ZNF574: variants seen among roughly 807,000 people sequenced by gnomAD.
ZNF574 encodes zinc finger protein 574.
A neutral mutation model predicts 56.6 loss-of-function variants in ZNF574; 25 were observed. That is an observed-to-expected ratio of 0.44 (90% confidence interval 0.32 to 0.62). The LOEUF (loss-of-function observed/expected upper bound fraction) is 0.62, where lower values mean the gene tolerates loss of function less well. Ranked by LOEUF, ZNF574 falls within the 20% of genes least tolerant of loss-of-function variation. The pLI is 0.04. For missense variants in ZNF574, 1,065 were observed against 1,218.9 expected (o/e 0.87, Z 1.88); for synonymous variants, 543 against 492.1 (o/e 1.10, Z -1.37).
In ZNF574 at chr19:42,080,580, C is replaced by G. The variant is rs144331239; in HGVS notation, c.1974C>G (p.Ala658=). Residue 658 remains alanine (A), a synonymous_variant, in exon 2 of 2, where the codon GCC becomes GCG. Coordinates refer to ENST00000359044, the MANE Select transcript of ZNF574 (RefSeq NM_022752.6). This position sits in a 1 kb window ranked among gnomAD's most constrained non-coding sequence, Gnocchi z 8.5. ...SLRLREHRCA[A]AAAQAPRRFE... ...GGCTCCGGGAGCACCGCTGTGCAGC[C>G]GCTGCTGCCCAGGCCCCACGGCGCT... is the stretch of plus-strand genomic sequence containing the variant. 9 of 1,612,840 alleles carry G rather than the reference C, an allele frequency of 5.6e-6. No homozygotes were observed. Among genetic ancestry groups the G allele is most frequent in the Non-Finnish European group, 7.6e-6 (9 of 1,179,792 alleles).
intron 1 of ZNF574, among the ~76,000 whole-genome samples, chr19:42,069,679 G>C (rs1198091620): frequency 6.6e-6 from 1 of 151,188 alleles, no homozygotes; most frequent in East Asian, 2.0e-4. Context: ...GCGAGGACTG[G>C]GTGGAGAAAA....
Position 42,080,255 on chromosome 19 carries a change from C to G in ZNF574, c.1649C>G (p.Pro550Arg). ...RHRLTHTGERPYRCGDCGKAF... is the reference protein window; with the variant it reads ...RHRLTHTGERRYRCGDCGKAF... ...CGGCTCACACACACAGGAGAGCGGCCCTACCGGTGTGGGGACTGTGGCAAG... is the reference window on the plus strand; with the variant it reads ...CGGCTCACACACACAGGAGAGCGGCGCTACCGGTGTGGGGACTGTGGCAAG... Residue 550 changes from proline (P) to arginine (R), a missense_variant, in exon 2 of 2, where the codon CCC becomes CGC. Physicochemically the swap from Pro to Arg is moderately radical, Grantham distance 103 (BLOSUM62 -2). Transcript: ENST00000359044. This position sits in a 1 kb window ranked among gnomAD's most constrained non-coding sequence, Gnocchi z 8.5. 1 of 1,614,184 alleles carries G rather than the reference C, an allele frequency of 6.2e-7. No individual in the cohort carries two copies. The highest frequency in any genetic ancestry group is 2.2e-5 in the East Asian group (1 of 44,884).
upstream of ZNF574, among the ~76,000 whole-genome samples, chr19:42,072,570 T>C (rs532909858): frequency 6.7e-6 from 1 of 148,848 alleles, no homozygotes; most frequent in South Asian, 2.1e-4. Flanking sequence ...CTTTCTTTCT[T>C]TTTTTTTTTT....
At chr19:42,071,767 G>T (rs568024949), upstream of ZNF574, among the ~76,000 whole-genome samples, 1 of 152,258 alleles carries the variant, frequency 6.6e-6, no homozygotes, top group African/African-American at 2.4e-5. Context: ...ACTTTGGAAG[G>T]CCGGGGCAGG....
chr19:42,069,021 C>T (rs1347761101), intron 1 of ZNF574: 5 of 510,190 alleles, frequency 9.8e-6, no homozygotes, highest in Non-Finnish European at 1.8e-5. Flanking sequence ...GCTAGAGGGC[C>T]AGGGGCGGCA....
At position 42,079,396 on chromosome 19, in the gene ZNF574, T is replaced by C. The variant is rs2076479181; in HGVS notation, c.790T>C (p.Ser264Pro). The change falls in exon 2 of 2, where the codon TCT becomes CCT. Residue 264 changes from serine to proline, a missense_variant. Ser to Pro is a moderately conservative substitution (Grantham distance 74). Coordinates refer to ENST00000359044, the MANE Select transcript of ZNF574 (RefSeq NM_022752.6). This position sits in a 1 kb window ranked among gnomAD's most constrained non-coding sequence, Gnocchi z 4.3. ...CTCGTCACCTGCAGAGGTGCCTGTG[T>C]CTCAGCCTGACCCCTTGCCAGCTTC... Reference protein sequence around the residue: ...QASSPAEVPVSQPDPLPASDH... With the variant: ...QASSPAEVPVPQPDPLPASDH... The C allele has an allele frequency of 6.2e-7, 1 of 1,613,574 alleles. No individual in the cohort carries two copies. Among genetic ancestry groups the C allele is most frequent in the Non-Finnish European group, 8.5e-7 (1 of 1,180,020 alleles).
intron 1 of ZNF574, among the ~76,000 whole-genome samples, chr19:42,076,705 A>T (rs1384199873): frequency 6.6e-6 from 1 of 152,204 alleles, no homozygotes; most frequent in East Asian, 1.9e-4. Flanking sequence ...GGCGTGAGAA[A>T]GATAATTAAG....
At chr19:42,075,632 C>G (rs752640989), upstream of ZNF574, among the ~76,000 whole-genome samples, 1 of 152,124 alleles carries the variant, frequency 6.6e-6, no homozygotes, top group Non-Finnish European at 1.5e-5. Flanking sequence ...TGCAGTTTGC[C>G]CTCTCCCCAT....
At chr19:42,073,814 CAAAAAAAAAAAAAA>C (rs577928373), upstream of ZNF574, among the ~76,000 whole-genome samples, 2 of 32,064 alleles carry the variant, frequency 6.2e-5, no homozygotes, top group African/African-American at 2.6e-4. Context: ...TAGACTGTCT[CAAAAAAAAAAAAAA>C]AAAAAAAAAA....
chr19:42,075,906 A>G (rs1208960268), upstream of ZNF574, among the ~76,000 whole-genome samples: 1 of 152,126 alleles, frequency 6.6e-6, no homozygotes, highest in Non-Finnish European at 1.5e-5. Flanking sequence ...GTCGAGGAGG[A>G]GGAGGAGCAT....
rs1469033119 is a variant in ZNF574, at chr19:42,080,815, G to C, written c.2209G>C (p.Gly737Arg). ...ASPAAPARRRGLECSECKKLF... is the reference protein window; with the variant it reads ...ASPAAPARRRRLECSECKKLF... Reference sequence around the variant, plus strand: ...CCCTGCGGCCCCTGCCCGCCGCCGGGGTCTAGAGTGCAGCGAGTGCAAGAA... The same window carrying C: ...CCCTGCGGCCCCTGCCCGCCGCCGGCGTCTAGAGTGCAGCGAGTGCAAGAA... The change falls in exon 2 of 2, where the codon GGT becomes CGT. Residue 737 changes from glycine to arginine, a missense_variant. Transcript: ENST00000359044. This position sits in a 1 kb window ranked among gnomAD's most constrained non-coding sequence, Gnocchi z 8.5. The C allele has an allele frequency of 2.5e-6, 4 of 1,613,882 alleles. No individual in the cohort carries two copies. The highest frequency in any genetic ancestry group is 3.3e-5 in the Admixed American group (2 of 60,016).
Position 42,079,370 on chromosome 19 carries a change from C to T in ZNF574, c.764C>T (p.Ala255Val), listed in dbSNP as rs767549710. The T allele has an allele frequency of 1.2e-6, 2 of 1,613,648 alleles. No individual in the cohort carries two copies. Among genetic ancestry groups the T allele is most frequent in the Admixed American group, 1.7e-5 (1 of 60,032 alleles). ...CCTGCCTTACAGCAGGAGGTGCAGG[C>T]CTCGTCACCTGCAGAGGTGCCTGTG... The part of the protein sequence containing the change: ...QEPALQQEVQ[A>V]SSPAEVPVSQ... Residue 255 changes from alanine to valine, a missense_variant, in exon 2 of 2, where the codon GCC becomes GTC. Physicochemically the swap from Ala to Val is moderately conservative, Grantham distance 64. Coordinates refer to ENST00000359044, the MANE Select transcript of ZNF574 (RefSeq NM_022752.6). This position sits in a 1 kb window ranked among gnomAD's most constrained non-coding sequence, Gnocchi z 4.3.
At chr19:42,073,523 TA>T (rs1285796547), upstream of ZNF574, among the ~76,000 whole-genome samples, 263 of 102,714 alleles carry the variant, frequency 2.6e-3, 1 homozygote, top group Middle Eastern at 5.9e-3. Context: ...CCTATCTCTA[TA>T]AAAAAAAAAA....
rs1568945604 is a variant in ZNF574 at position 42,080,234 on chromosome 19, T to A, written c.1628T>A (p.Leu543His). ...CCTGCCAACCTGGCCCGCCACCGGC[T>A]CACACACACAGGAGAGCGGCCCTAC... ...NSPANLARHRLTHTGERPYRC... is the reference protein window; with the variant it reads ...NSPANLARHRHTHTGERPYRC... The change falls in exon 2 of 2, where the codon CTC (leucine) becomes CAC (histidine). Residue 543 changes from leucine (L) to histidine (H), a missense_variant. Transcript: ENST00000359044. The surrounding 1 kb of genome is among the most constrained non-coding windows in gnomAD (Gnocchi z 8.5). The A allele has an allele frequency of 6.2e-7, 1 of 1,613,790 alleles. No homozygotes were observed. Among genetic ancestry groups the A allele is most frequent in the South Asian group, 1.1e-5 (1 of 91,058 alleles).
rs1001807824 is a variant in ZNF574, at chr19:42,076,464, C to T, written c.-21+178C>T. On this transcript the variant is annotated intron_variant, in intron 1 of 1. Coordinates refer to ENST00000359044, the MANE Select transcript of ZNF574 (RefSeq NM_022752.6). ...CAGCCGGGCGGGGGCCGGGCTGGAG[C>T]GGCGGGTGGGGAAGGGGCCTGGAGT... Among the ~76,000 whole-genome samples the T allele has an allele frequency of 8.1e-5, 12 of 147,252 alleles. No individual in the cohort carries two copies. The South Asian group carries it at 2.6e-3, about 32-fold the overall frequency.
upstream of ZNF574, among the ~76,000 whole-genome samples, chr19:42,071,769 C>A: frequency 6.6e-6 from 1 of 152,086 alleles, no homozygotes; most frequent in East Asian, 1.9e-4. Context: ...TTTGGAAGGC[C>A]GGGGCAGGTG....
chr19:42,079,335 G>T lies in ZNF574; in HGVS notation c.729G>T (p.Glu243Asp). ...CTCACTTCCCTGCTCCTGTACCCGA[G>T]TCTCAGGAGCCTGCCTTACAGCAGG... is the stretch of plus-strand genomic sequence containing the variant. ...QATHFPAPVPESQEPALQQEV... is the reference protein window; with the variant it reads ...QATHFPAPVPDSQEPALQQEV... Residue 243 changes from glutamate to aspartate, a missense_variant, in exon 2 of 2, where the codon GAG becomes GAT. By Grantham distance (45) the Glu-to-Asp change is conservative. Coordinates refer to ENST00000359044, the MANE Select transcript of ZNF574 (RefSeq NM_022752.6). The surrounding 1 kb of genome is among the most constrained non-coding windows in gnomAD (Gnocchi z 4.3). 6.2e-7 allele frequency: 1 copy of T among 1,613,480 alleles called. No homozygotes were observed. Among genetic ancestry groups the T allele is most frequent in the South Asian group, 1.1e-5 (1 of 91,088 alleles).
chr19:42,073,990 G>A (rs1164693465), upstream of ZNF574, among the ~76,000 whole-genome samples: 5 of 151,412 alleles, frequency 3.3e-5, no homozygotes. Context: ...AAAATTAGCC[G>A]AGAGTGGTGG....
At chr19:42,074,195 G>T (rs1445170395), upstream of ZNF574, among the ~76,000 whole-genome samples, 3 of 151,304 alleles carry the variant, frequency 2.0e-5, no homozygotes, top group Non-Finnish European at 4.4e-5. Context: ...AGTGGCTCAC[G>T]CCTGTAATCC....
Sources: gnomAD v4.1 joint callset for allele counts (sites outside exome capture counted in the v4.1 genomes callset) on GRCh38, gnomAD v4.1.1 for gene constraint, Gnocchi (gnomAD v3.1) non-coding constraint, MANE v1.5 for transcripts, NCBI Gene and HGNC (gene_info 2026-07-23, HGNC 2026-07-21) for gene names.